The following CDH12 variants were observed in gnomAD, a reference collection of about 807,000 sequenced individuals.
CDH12 encodes the protein cadherin 12.
A neutral mutation model predicts 74.1 loss-of-function variants in CDH12; 41 were observed. That is an observed-to-expected ratio of 0.55 (90% CI 0.43 to 0.72). CDH12 has a LOEUF of 0.72. Among genes scored for constraint, CDH12 ranks in the 30% least tolerant of loss-of-function variants. The probability of loss-of-function intolerance (pLI) is 0.00; values close to 1 mark genes in which losing one functional copy is unlikely to be tolerated. For synonymous variants in CDH12, 399 were observed against 355.0 expected (o/e 1.12, Z -1.39); for missense variants, 945 against 977.2 (o/e 0.97, Z 0.44).
chr5:22,643,745 T>TC (rs1336734568), intron 1 of CDH12, among the ~76,000 whole-genome samples: 18 of 134,904 alleles, frequency 1.3e-4, no homozygotes, highest in Middle Eastern at 3.6e-3. Context: ...TTTTTTTTTT[T>TC]TTTTTTTTTT....
At chr5:22,584,059 G>A (rs545542322) in intron 1 of CDH12, among the ~76,000 whole-genome samples, 28 of 146,062 alleles carry the variant, frequency 1.9e-4, no homozygotes, top group East Asian at 1.2e-3. Flanking sequence ...TTTTTAAGGG[G>A]AATCATCTAT....
chr5:22,275,252 C>G (rs549039340), intron 3 of CDH12, among the ~76,000 whole-genome samples: 2 of 151,826 alleles, frequency 1.3e-5, no homozygotes, highest in East Asian at 3.9e-4. Flanking sequence ...ATGTACCAAA[C>G]CTGCACGTTC....
chr5:22,454,960 C>G (rs1052348711), intron 2 of CDH12, among the ~76,000 whole-genome samples: 3 of 152,006 alleles, frequency 2.0e-5, no homozygotes, highest in African/African-American at 7.3e-5. Context: ...AGATGCTTGG[C>G]AGGTTCAAAG....
chr5:22,399,362 T>G (rs949066685), intron 3 of CDH12, among the ~76,000 whole-genome samples: 4 of 152,148 alleles, frequency 2.6e-5, no homozygotes, highest in Non-Finnish European at 5.9e-5. Context: ...TTTTTGAGAA[T>G]TGTATTGAAA....
At chr5:21,953,301 A>G (rs942037240) in intron 6 of CDH12, among the ~76,000 whole-genome samples, 13 of 152,164 alleles carry the variant, frequency 8.5e-5, no homozygotes, top group South Asian at 4.1e-4. Flanking sequence ...TATGACGTAC[A>G]AGCTCCTCCC....
In CDH12 at chr5:22,567,203, T is replaced by C. The variant is rs188054152; in HGVS notation, c.-522-61839A>G. ...CCTGAAAATGCCTCAGTTCACACCA[T>C]TATCCCAAGGTTTGGAGTTAGCCAC... On this transcript the variant is annotated intron_variant, in intron 1 of 14. Transcript: ENST00000382254. 1.8e-4 allele frequency among the ~76,000 whole-genome samples: 28 copies of C among 152,196 alleles called. No individual in the cohort carries two copies. The East Asian group carries it at 2.7e-3, about 15-fold the overall frequency.
intron 1 of CDH12, among the ~76,000 whole-genome samples, chr5:22,640,161 A>G (rs150699049): frequency 6.6e-6 from 1 of 152,054 alleles, no homozygotes; most frequent in Non-Finnish European, 1.5e-5. Context: ...CACTCTATTA[A>G]ATTTTGCCCT....
intron 1 of CDH12, among the ~76,000 whole-genome samples, chr5:22,647,551 C>T (rs931863634): frequency 2.0e-5 from 3 of 151,656 alleles, no homozygotes; most frequent in Non-Finnish European, 4.4e-5. Context: ...CTCGCTGTGT[C>T]CTCACTGGTC....
Position 22,733,522 on chromosome 5 carries a change from T to A in CDH12, c.-523+119536A>T, listed in dbSNP as rs140815574. Among the ~76,000 whole-genome samples, 879 of 151,784 alleles carry A rather than the reference T, an allele frequency of 5.8e-3. 9 individuals are homozygous for A. Among genetic ancestry groups the A allele is most frequent in the African/African-American group, 0.02 (840 of 41,454 alleles). On this transcript the variant is annotated intron_variant, in intron 1 of 14. Transcript: ENST00000382254. ...CCCACCAAGTTTTCTTCTTTTAACA[T>A]CTATGAACACTGTGTTGGTTGATTT...
chr5:22,687,105 C>G (rs1363649324), intron 1 of CDH12, among the ~76,000 whole-genome samples: 1 of 151,926 alleles, frequency 6.6e-6, no homozygotes, highest in East Asian at 1.9e-4. Flanking sequence ...ACCACTCTGA[C>G]CAATATGGTG....
chr5:22,495,697 C>A (rs1326641593), intron 2 of CDH12, among the ~76,000 whole-genome samples: 1 of 152,042 alleles, frequency 6.6e-6, no homozygotes, highest in Non-Finnish European at 1.5e-5. Flanking sequence ...GCGCAAAAAA[C>A]AAATTTAGAA....
At chr5:22,769,994 T>C (rs1355533399) in intron 1 of CDH12, among the ~76,000 whole-genome samples, 1 of 151,860 alleles carries the variant, frequency 6.6e-6, no homozygotes, top group South Asian at 2.1e-4. Context: ...TGCAAGTTTT[T>C]ACAATATGGT....
intron 1 of CDH12, among the ~76,000 whole-genome samples, chr5:22,799,697 G>T (rs138567226): frequency 6.6e-6 from 1 of 152,052 alleles, no homozygotes; most frequent in Non-Finnish European, 1.5e-5. Flanking sequence ...AAAGTACTCA[G>T]TACTCCCCAC....
At chr5:22,796,593 C>T (rs1235997319) in intron 1 of CDH12, among the ~76,000 whole-genome samples, 2 of 94,110 alleles carry the variant, frequency 2.1e-5, no homozygotes, top group Non-Finnish European at 3.9e-5. Context: ...GATCTCGGCT[C>T]ACTGCAAGCT....
intron 2 of CDH12, among the ~76,000 whole-genome samples, chr5:22,423,137 T>A (rs1390112790): frequency 6.6e-6 from 1 of 150,946 alleles, no homozygotes; most frequent in Non-Finnish European, 1.5e-5. Flanking sequence ...GTGGAGGTTA[T>A]CTCCATCACA....
chr5:22,698,718 T>G (rs865815342), intron 1 of CDH12, among the ~76,000 whole-genome samples: 1,874 of 14,822 alleles, frequency 0.13, 250 homozygotes, highest in African/African-American at 0.25. Context: ...TATATATATA[T>G]ATATATATAT....
chr5:22,330,976 G>A (rs777078956), intron 3 of CDH12, among the ~76,000 whole-genome samples: 8 of 151,900 alleles, frequency 5.3e-5, no homozygotes, highest in African/African-American at 1.5e-4. Context: ...CTGATGGAAC[G>A]GCCTTTGGGC....
chr5:22,452,901 A>AAAAAT (rs1561415313), intron 2 of CDH12, among the ~76,000 whole-genome samples: 3 of 125,934 alleles, frequency 2.4e-5, no homozygotes, highest in East Asian at 4.9e-4. Flanking sequence ...AAAAAAAAAA[A>AAAAAT]AAATGAGTTA....
At chr5:21,802,539 A>G in intron 9 of CDH12, 119 bp from the exon 10 acceptor site, 1 of 781,238 alleles carries the variant, frequency 1.3e-6, no homozygotes, top group Non-Finnish European at 2.0e-6. Flanking sequence ...TAAAATTTTC[A>G]TTTTTCTTAA....
Sources: allele counts gnomAD v4.1 joint callset (sites outside exome capture counted in the v4.1 genomes callset), GRCh38; gene constraint gnomAD v4.1.1; transcripts MANE v1.5; gene names NCBI Gene and HGNC (gene_info 2026-07-23, HGNC 2026-07-21).